PLK2: variants seen among roughly 807,000 people sequenced by gnomAD.
The protein encoded by PLK2 is serine/threonine-protein kinase PLK2.
Under a neutral mutation model 78.1 loss-of-function variants are expected in PLK2, and 25 were observed. The observed-to-expected ratio is 0.32, with a 90% CI of 0.23 to 0.45. The LOEUF is 0.45. Ranked by LOEUF, PLK2 falls within the 20% of genes least tolerant of loss-of-function variation. The probability of loss-of-function intolerance (pLI) is 1.00; values close to 1 mark genes in which losing one functional copy is unlikely to be tolerated. For synonymous variants in PLK2, 332 were observed against 298.2 expected (o/e 1.11, Z -1.17); for missense variants, 566 against 840.2 (o/e 0.67, Z 4.04).
chr5:58,454,752 G>A lies in PLK2; in HGVS notation c.1889C>T (p.Thr630Ile). Residue 630 changes from threonine to isoleucine, a missense_variant, in exon 14 of 14, where the codon ACA becomes ATA. By Grantham distance (89) the Thr-to-Ile change is moderately conservative. Around this residue, in one of 5 missense-constraint regions of PLK2, gnomAD observed 130 missense variants for 196.4 expected, o/e 0.66. Coordinates refer to ENST00000274289, the MANE Select transcript of PLK2 (RefSeq NM_006622.4). ...TFQVNFYHDH[T>I]KIIICSQNEE... ...ATTTTGGCTACAGATGATGATTTTTGTATGATCATGGTAGAAATTCACCTT... is the reference window on the plus strand; with the variant it reads ...ATTTTGGCTACAGATGATGATTTTTATATGATCATGGTAGAAATTCACCTT... 1 of 1,608,162 alleles carries A rather than the reference G, an allele frequency of 6.2e-7. No individual in the cohort carries two copies.
chr5:58,456,332 G>T (rs1465830290), intron 9 of PLK2, 160 bp downstream of exon 9: 4 of 767,722 alleles, frequency 5.2e-6, no homozygotes, highest in African/African-American at 3.5e-5. Flanking sequence ...AAAACTAAAA[G>T]ACTTCCTTTT....
At position 58,458,092 on chromosome 5, in the gene PLK2, G is replaced by C. The variant is rs1187836858; in HGVS notation, c.705C>G (p.His235Gln). The C allele has an allele frequency of 3.1e-6, 5 of 1,609,256 alleles. No individual in the cohort carries two copies. Among genetic ancestry groups the C allele is most frequent in the Admixed American group, 3.3e-5 (2 of 59,988 alleles). ...GLAARLEPLE[H>Q]RRRTICGTPN... ...ATCTTTCTGACTCTTACCTCCTTCT[G>C]TGTTCCAAGGGTTCTAGCCTGGCTG... Residue 235 changes from histidine (H) to glutamine (Q), a missense_variant, in exon 5 of 14, where the codon CAC (histidine) becomes CAG (glutamine). By Grantham distance (24) the His-to-Gln change is conservative (BLOSUM62 0). Around this residue, in one of 5 missense-constraint regions of PLK2, gnomAD observed 179 missense variants for 342.3 expected, o/e 0.52. Transcript: ENST00000274289.
At chr5:58,458,237 T>C in intron 4 of PLK2, 66 bp from the exon 5 acceptor site, 1 of 1,336,434 alleles carries the variant, frequency 7.5e-7, no homozygotes, top group Non-Finnish European at 1.1e-6. Flanking sequence ...TACACACACA[T>C]CCACTTTGGA....
chr5:58,458,915 G>C lies in PLK2; in HGVS notation c.378+70C>G, dbSNP rs1743680757. 8.5e-6 allele frequency: 11 copies of C among 1,297,132 alleles called. 1 individual carries two copies. In the South Asian group the frequency reaches 1.3e-4, roughly 15 times the overall value. 80.4% of individuals were successfully genotyped at this position (1,297,132 alleles called of 1,614,324 possible). A position where few individuals can be genotyped will look rare whatever the true frequency, so the allele number is the denominator to read the frequency against. On this transcript the variant is annotated intron_variant, in intron 2 of 13. Transcript: ENST00000274289. ...AAAGCCAGTGATTACACATGCAGAA[G>C]ACATTTTCCTAACAGGGAAGGGCCA... is the stretch of plus-strand genomic sequence containing the variant.
rs192394150 is a variant in PLK2 at position 58,455,589 on chromosome 5, G to A, written c.1575C>T (p.Val525=). The A allele has an allele frequency of 4.9e-5, 79 of 1,613,938 alleles. No individual in the cohort carries two copies. Among genetic ancestry groups the A allele is most frequent in the Admixed American group, 4.3e-4 (26 of 60,000 alleles). Residue 525 remains valine, a synonymous_variant, in exon 11 of 14, where the codon GTC becomes GTT. Coordinates refer to ENST00000274289, the MANE Select transcript of PLK2 (RefSeq NM_006622.4). ...GAGCACCATTGTTGAAAAGGACACCGACGGTGTGGTCTGAGAGCTGGTACC... is the reference window on the plus strand; with the variant it reads ...GAGCACCATTGTTGAAAAGGACACCAACGGTGTGGTCTGAGAGCTGGTACC... ...GFGYQLSDHT[V]GVLFNNGAHM...
chr5:58,459,571 G>T, intron 1 of PLK2, 119 bp downstream of exon 1: 1 of 865,570 alleles, frequency 1.2e-6, no homozygotes. Flanking sequence ...CTCGCGCTGG[G>T]ATCGGACCCC....
At chr5:58,455,453 A>G in intron 11 of PLK2, 39 bp from the exon 12 acceptor site, 2 of 1,611,712 alleles carry the variant, frequency 1.2e-6, no homozygotes, top group Non-Finnish European at 1.7e-6. Context: ...AGAGGAAAAA[A>G]AAATAGAAGC....
chr5:58,458,549 A>C (rs775855725), intron 3 of PLK2, 21 bp from the exon 4 acceptor site: 2 of 1,596,402 alleles, frequency 1.3e-6, no homozygotes, highest in Admixed American at 3.5e-5. Flanking sequence ...GAGAAGGAAA[A>C]AAGAGAATCT....
In PLK2 at chr5:58,455,026, A is replaced by G; in HGVS notation, c.1756-5T>C. 1 of 1,553,000 alleles carries G rather than the reference A, an allele frequency of 6.4e-7. No homozygotes were observed. The highest frequency in any genetic ancestry group is 8.9e-7 in the Non-Finnish European group (1 of 1,124,436). ...AACACTAGGCAGATCTCCACCCTGGAAGAGATTAGGAGAGTGAGTTAGTGC... is the reference window on the plus strand; with the variant it reads ...AACACTAGGCAGATCTCCACCCTGGGAGAGATTAGGAGAGTGAGTTAGTGC... On this transcript the variant is annotated splice_polypyrimidine_tract_variant and splice_region_variant and intron_variant, in intron 12 of 13. Coordinates refer to ENST00000274289, the MANE Select transcript of PLK2 (RefSeq NM_006622.4).
chr5:58,458,568 A>G (rs769032952), intron 3 of PLK2, 40 bp from the exon 4 acceptor site: 2 of 1,578,450 alleles, frequency 1.3e-6, no homozygotes. Flanking sequence ...CTGTCAAAAC[A>G]GTTATCAAAA....
At chr5:58,456,187 A>C (rs1743599007) in intron 9 of PLK2, 32 bp from the exon 10 acceptor site, 1 of 1,594,876 alleles carries the variant, frequency 6.3e-7, no homozygotes, top group Non-Finnish European at 8.5e-7. Context: ...GCAATGAGTC[A>C]AGCATCTAAA....
intron 8 of PLK2, 65 bp from the exon 9 acceptor site, chr5:58,456,654 C>A: frequency 2.9e-6 from 3 of 1,035,794 alleles, no homozygotes; most frequent in South Asian, 1.5e-5. Flanking sequence ...CAGGGTTAGT[C>A]ATATTTTCTC....
chr5:58,455,951 T>C, intron 10 of PLK2, 75 bp downstream of exon 10: 4 of 1,514,390 alleles, frequency 2.6e-6, no homozygotes, highest in Non-Finnish European at 3.6e-6. Flanking sequence ...ACAAAGTAAA[T>C]TGACTTAAAT....
chr5:58,455,073 C>T lies in PLK2; in HGVS notation c.1756-52G>A, dbSNP rs755195232. 3.4e-6 allele frequency: 4 copies of T among 1,190,164 alleles called. No individual in the cohort carries two copies. In the East Asian group the frequency reaches 7.0e-5, roughly 21 times the overall value. The allele number at this position is 1,190,164 out of a possible 1,614,324, so 73.7% of individuals were successfully genotyped here. The stretch of plus-strand genomic sequence containing the variant: ...GTGCCTACAAAGATTTTGTAGCATG[C>T]ACTCTATTATTATTCTAAGAAAATC... On this transcript the variant is annotated intron_variant, in intron 12 of 13. Transcript: ENST00000274289.
Position 58,457,580 on chromosome 5 carries a change from C to T in PLK2, c.717G>A (p.Thr239=), listed in dbSNP as rs201461422. Residue 239 remains threonine, a synonymous_variant, in exon 6 of 14, where the codon ACG becomes ACA. Transcript: ENST00000274289. ...AGAGATAATTTGGGGTACCACATAT[C>T]GTTCTGGAAAGACAAAATATTGAGA... ...RLEPLEHRRR[T]ICGTPNYLSP... The T allele has an allele frequency of 2.1e-5, 34 of 1,590,084 alleles. No individual in the cohort carries two copies. The South Asian group carries it at 3.4e-4, about 16-fold the overall frequency.
At chr5:58,457,132 T>A (rs1330786748) in intron 7 of PLK2, 40 bp from the exon 8 acceptor site, 2 of 1,611,372 alleles carry the variant, frequency 1.2e-6, no homozygotes, top group South Asian at 2.2e-5. Context: ...ACCTGTCAGG[T>A]AACTGGGATC....
chr5:58,459,888 C>T lies in PLK2; in HGVS notation c.72G>A (p.Lys24=). The part of the protein sequence containing the change: ...STKMCEQALG[K]GCGADSKKKR... The stretch of plus-strand genomic sequence containing the variant: ...TCTTCTTCGAGTCCGCTCCGCAACC[C>T]TTGCCCAGCGCCTGCTCGCACATTT... Residue 24 remains lysine (K), a synonymous_variant, in exon 1 of 14, where the codon AAG becomes AAA. Coordinates refer to ENST00000274289, the MANE Select transcript of PLK2 (RefSeq NM_006622.4). The T allele has an allele frequency of 1.2e-6, 2 of 1,612,032 alleles. No individual in the cohort carries two copies. Among genetic ancestry groups the T allele is most frequent in the Non-Finnish European group, 1.7e-6 (2 of 1,179,726 alleles).
chr5:58,457,689 A>G, intron 5 of PLK2, 106 bp from the exon 6 acceptor site: 2 of 683,932 alleles, frequency 2.9e-6, no homozygotes, highest in Non-Finnish European at 5.2e-6. Flanking sequence ...AAAATCTTAA[A>G]ATCTATACTG....
chr5:58,458,959 ATACTT>A (rs747004493), intron 2 of PLK2, 21 bp downstream of exon 2: 59 of 1,429,514 alleles, frequency 4.1e-5, no homozygotes, highest in East Asian at 3.6e-4. Context: ...CACAAAGAAA[ATACTT>A]TACTCAAGAG....
Sources: allele counts gnomAD v4.1 joint callset, GRCh38; gene constraint gnomAD v4.1.1; regional missense constraint gnomAD v4.1.1; transcripts MANE v1.5; gene names NCBI Gene and HGNC (gene_info 2026-07-23, HGNC 2026-07-21).